DLG2: variants seen among roughly 807,000 people sequenced by gnomAD.
DLG2 encodes the protein disks large homolog 2.
In DLG2, 45 loss-of-function variants were observed where a neutral mutation model predicts 132.5. That is an observed-to-expected ratio of 0.34 (90% CI 0.27 to 0.44). DLG2 has a LOEUF of 0.44. Among genes scored for constraint, DLG2 ranks in the 20% least tolerant of loss-of-function variants. DLG2 has a pLI of 1.00. For missense variants in DLG2, 1,045 were observed against 1,196.9 expected, an observed-to-expected ratio of 0.87 and a Z score of 1.87; for synonymous variants, 424 against 419.6, an observed-to-expected ratio of 1.01 and a Z score of -0.13.
rs186271777 is a variant in DLG2 at position 85,171,723 on chromosome 11, G to T, written c.187-17072C>A. On this transcript the variant is annotated intron_variant, in intron 4 of 27. Coordinates refer to ENST00000376104, the MANE Select transcript of DLG2 (RefSeq NM_001142699.3). ...ACTGCCTGAAACAGACCAAGTTCCTGGGGGGAAGGGCAGCCACCATCTCTG... is the reference window on the plus strand; with the variant it reads ...ACTGCCTGAAACAGACCAAGTTCCTTGGGGGAAGGGCAGCCACCATCTCTG... 2.4e-3 allele frequency among the ~76,000 whole-genome samples: 362 copies of T among 152,280 alleles called. 3 individuals are homozygous for T. Among genetic ancestry groups the T allele is most frequent in the South Asian group, 0.013 (64 of 4,832 alleles).
chr11:85,545,889 T>G (rs1371894138), intron 3 of DLG2, among the ~76,000 whole-genome samples: 1 of 152,220 alleles, frequency 6.6e-6, no homozygotes, highest in East Asian at 1.9e-4. Flanking sequence ...CTTTTCTTCT[T>G]TATTAGTCTG....
intron 18 of DLG2, among the ~76,000 whole-genome samples, chr11:83,637,791 G>C (rs751932451): frequency 6.6e-6 from 1 of 152,062 alleles, no homozygotes; most frequent in Non-Finnish European, 1.5e-5. Context: ...GCTACTTGGA[G>C]ACTTGGGATG....
chr11:85,027,172 T>C (rs2060600563), intron 6 of DLG2, among the ~76,000 whole-genome samples: 1 of 85,226 alleles, frequency 1.2e-5, no homozygotes, highest in South Asian at 4.0e-4. Context: ...CAGTGTGGTC[T>C]CTTTTTTTTT....
chr11:85,297,728 G>A (rs1249150241), intron 3 of DLG2, among the ~76,000 whole-genome samples: 1 of 152,070 alleles, frequency 6.6e-6, no homozygotes, highest in East Asian at 1.9e-4. Flanking sequence ...GGAGTTTGGA[G>A]AACAGAGCTA....
chr11:84,504,789 A>G (rs546450695), intron 7 of DLG2, among the ~76,000 whole-genome samples: 1 of 151,186 alleles, frequency 6.6e-6, no homozygotes, highest in Non-Finnish European at 1.5e-5. Context: ...AGCTGATAAA[A>G]AGTCAATGTG....
At chr11:84,863,425 C>A (rs1322590348) in intron 6 of DLG2, among the ~76,000 whole-genome samples, 1 of 152,088 alleles carries the variant, frequency 6.6e-6, no homozygotes, top group Non-Finnish European at 1.5e-5. Context: ...TTTTCCTTAT[C>A]CTGTGACATA....
intron 22 of DLG2, among the ~76,000 whole-genome samples, chr11:83,478,619 G>A (rs1308810392): frequency 6.6e-6 from 1 of 152,012 alleles, no homozygotes; most frequent in African/African-American, 2.4e-5. Flanking sequence ...GAGAAGAGAA[G>A]CCTTTAAAAT....
intron 6 of DLG2, among the ~76,000 whole-genome samples, chr11:85,063,014 G>C (rs964873293): frequency 1.3e-5 from 2 of 151,778 alleles, no homozygotes; most frequent in African/African-American, 2.4e-5. Flanking sequence ...TCTAAATGTA[G>C]TGCTAAAGTA....
chr11:84,562,951 C>T (rs2099432877), intron 6 of DLG2, among the ~76,000 whole-genome samples: 1 of 152,038 alleles, frequency 6.6e-6, no homozygotes, highest in South Asian at 2.1e-4. Flanking sequence ...GGGGTCTTGG[C>T]ATGTTGTTCA....
intron 6 of DLG2, among the ~76,000 whole-genome samples, chr11:84,754,609 AG>A (rs2153836950): frequency 6.6e-6 from 1 of 152,328 alleles, no homozygotes; most frequent in African/African-American, 2.4e-5. Flanking sequence ...GATAGCAAAA[AG>A]ATCAGTGGTT....
intron 7 of DLG2, among the ~76,000 whole-genome samples, chr11:84,529,624 A>G (rs934146416): frequency 8.5e-5 from 13 of 152,194 alleles, no homozygotes; most frequent in South Asian, 2.1e-4. Flanking sequence ...TGACAAAAAA[A>G]TTGCTCAAGG....
At chr11:84,342,243 G>A (rs947334017) in intron 7 of DLG2, among the ~76,000 whole-genome samples, 1 of 152,030 alleles carries the variant, frequency 6.6e-6, no homozygotes, top group African/African-American at 2.4e-5. Context: ...TCCCAACTGG[G>A]GAGAAATGTG....
intron 4 of DLG2, among the ~76,000 whole-genome samples, chr11:85,263,907 T>C (rs1166732428): frequency 2.0e-5 from 3 of 152,080 alleles, no homozygotes; most frequent in Non-Finnish European, 4.4e-5. Flanking sequence ...GCAAGTTTAT[T>C]AGAGAGAAAG....
chr11:85,354,944 T>A (rs1048095111), intron 3 of DLG2, among the ~76,000 whole-genome samples: 9 of 152,154 alleles, frequency 5.9e-5, no homozygotes, highest in Non-Finnish European at 1.2e-4. Flanking sequence ...AGATAACATT[T>A]CTTGCCAAAG....
chr11:85,421,340 C>T, intron 3 of DLG2, among the ~76,000 whole-genome samples: 1 of 151,988 alleles, frequency 6.6e-6, no homozygotes, highest in African/African-American at 2.4e-5. Context: ...AAATCACACC[C>T]CTCCTGCGTT....
At chr11:84,179,475 C>T (rs2096061388) in intron 8 of DLG2, among the ~76,000 whole-genome samples, 1 of 152,102 alleles carries the variant, frequency 6.6e-6, no homozygotes, top group South Asian at 2.1e-4. Flanking sequence ...AAAACCTGAA[C>T]TATAACTGAT....
chr11:83,929,425 G>A (rs1438801499), intron 15 of DLG2, among the ~76,000 whole-genome samples: 2 of 152,142 alleles, frequency 1.3e-5, no homozygotes, highest in African/African-American at 4.8e-5. Flanking sequence ...GAACTACCTT[G>A]TGGAACGCTG....
intron 18 of DLG2, among the ~76,000 whole-genome samples, chr11:83,686,173 C>G (rs998872689): frequency 5.3e-5 from 8 of 152,034 alleles, no homozygotes; most frequent in African/African-American, 1.9e-4. Context: ...ATTCAGACAC[C>G]AACACTCCTT....
intron 7 of DLG2, among the ~76,000 whole-genome samples, chr11:84,389,076 G>C (rs899012155): frequency 1.3e-5 from 2 of 152,134 alleles, no homozygotes; most frequent in African/African-American, 4.8e-5. Context: ...AAGTATTAGA[G>C]AGCACCATAT....
Sources: allele counts gnomAD v4.1 joint callset (sites outside exome capture counted in the v4.1 genomes callset), GRCh38; gene constraint gnomAD v4.1.1; transcripts MANE v1.5; gene names NCBI Gene and HGNC (gene_info 2026-07-23, HGNC 2026-07-21).